The following SORT1 variants were observed in gnomAD, a reference collection of about 807,000 sequenced individuals.
SORT1 encodes sortilin.
In SORT1, 39 loss-of-function variants were observed where a neutral mutation model predicts 101.7. The observed-to-expected ratio is 0.38, with a 90% CI of 0.30 to 0.50. The LOEUF (loss-of-function observed/expected upper bound fraction) is 0.50. Among genes scored for constraint, SORT1 ranks in the 20% least tolerant of loss-of-function variants. SORT1 has a pLI of 0.90. For missense variants in SORT1, 878 were observed against 1,040.4 expected, an observed-to-expected ratio of 0.84 and a Z score of 2.15; for synonymous variants, 396 against 393.7, an observed-to-expected ratio of 1.01 and a Z score of -0.07.
chr1:109,376,113 C>CG (rs1339492673), intron 1 of SORT1, among the ~76,000 whole-genome samples: 1 of 152,012 alleles, frequency 6.6e-6, no homozygotes, highest in Admixed American at 6.5e-5. Flanking sequence ...GAGGCCGAGG[C>CG]GGGCGGATCA....
At chr1:109,396,473 C>T (rs1010684955) in intron 1 of SORT1, among the ~76,000 whole-genome samples, 1 of 152,154 alleles carries the variant, frequency 6.6e-6, no homozygotes, top group Admixed American at 6.5e-5. Flanking sequence ...AGCTTGGCTA[C>T]CTTTACACAG....
chr1:109,342,536 T>G (rs569633959), intron 8 of SORT1, among the ~76,000 whole-genome samples: 206 of 152,348 alleles, frequency 1.4e-3, no homozygotes, highest in African/African-American at 4.8e-3. Flanking sequence ...CTTAAAATGA[T>G]GACTACTGCA....
At position 109,390,950 on chromosome 1, in the gene SORT1, C is replaced by A. The variant is rs1369839735; in HGVS notation, c.306+6637G>T. Among the ~76,000 whole-genome samples the A allele has an allele frequency of 3.3e-5, 5 of 152,204 alleles. No individual in the cohort carries two copies. In the South Asian group the frequency reaches 1.0e-3, roughly 32 times the overall value. ...CCAATTAATCACATATAAGTTTCTA[C>A]ATGTGAATATATTTATGGTAAGCTG... is the stretch of plus-strand genomic sequence containing the variant. On this transcript the variant is annotated intron_variant, in intron 1 of 19. Coordinates refer to ENST00000256637, the MANE Select transcript of SORT1 (RefSeq NM_002959.7).
chr1:109,358,554 C>T (rs1004845357), intron 3 of SORT1, among the ~76,000 whole-genome samples: 4 of 152,116 alleles, frequency 2.6e-5, no homozygotes, highest in African/African-American at 9.7e-5. Context: ...AAACCAACTG[C>T]TTTAGAAACA....
At chr1:109,347,309 A>G (rs1649670413) in intron 7 of SORT1, among the ~76,000 whole-genome samples, 174 bp downstream of exon 7, 1 of 152,204 alleles carries the variant, frequency 6.6e-6, no homozygotes. Context: ...TGATCTGGGT[A>G]GTGTAGTAAT....
At chr1:109,362,214 T>C (rs945875243) in intron 3 of SORT1, among the ~76,000 whole-genome samples, 1 of 152,188 alleles carries the variant, frequency 6.6e-6, no homozygotes, top group Non-Finnish European at 1.5e-5. Flanking sequence ...AACAAAGTTA[T>C]GTATTGATCA....
intron 11 of SORT1, 112 bp downstream of exon 11, chr1:109,336,128 C>T: frequency 1.5e-6 from 1 of 671,646 alleles, no homozygotes; most frequent in Non-Finnish European, 2.6e-6. Flanking sequence ...AAACTTTCCA[C>T]CTTATGCTGA....
At chr1:109,329,296 C>T (rs377226928) in intron 11 of SORT1, among the ~76,000 whole-genome samples, 1 of 152,096 alleles carries the variant, frequency 6.6e-6, no homozygotes, top group Admixed American at 6.6e-5. Flanking sequence ...CTCTGCCACC[C>T]AGGCTGGAGT....
In SORT1 at chr1:109,314,886, C is replaced by T. The variant is rs1039519424; in HGVS notation, c.2251-108G>A. ...ATCTCTTTGTGAATGATCTGCAGTC[C>T]TGATGCGCTTAATGATGGCTCTTTT... On this transcript the variant is annotated intron_variant, in intron 17 of 19. Coordinates refer to ENST00000256637, the MANE Select transcript of SORT1 (RefSeq NM_002959.7). 4.9e-6 allele frequency: 3 copies of T among 618,232 alleles called. No individual in the cohort carries two copies. In the African/African-American group the frequency reaches 5.5e-5, roughly 11 times the overall value. 38.3% of individuals were successfully genotyped at this position (618,232 alleles called of 1,614,324 possible). A position where few individuals can be genotyped will look rare whatever the true frequency, so the allele number is the denominator to read the frequency against.
intron 3 of SORT1, among the ~76,000 whole-genome samples, chr1:109,362,230 T>C (rs1024156128): frequency 2.6e-5 from 4 of 152,198 alleles, no homozygotes; most frequent in Non-Finnish European, 5.9e-5. Flanking sequence ...GATCATTTGA[T>C]GAAAATGAGT....
chr1:109,342,945 T>C (rs892067263), intron 8 of SORT1, among the ~76,000 whole-genome samples: 3 of 152,162 alleles, frequency 2.0e-5, no homozygotes, highest in Admixed American at 6.5e-5. Flanking sequence ...ATTTAACTTA[T>C]TCAACTTATA....
chr1:109,355,225 G>A (rs969869893), intron 4 of SORT1, 142 bp downstream of exon 4: 1 of 615,972 alleles, frequency 1.6e-6, no homozygotes, highest in Non-Finnish European at 2.9e-6. Context: ...TTAAAAAATT[G>A]TGTTTAATTT....
chr1:109,367,314 A>G (rs1651158747), intron 3 of SORT1, 94 bp downstream of exon 3: 2 of 708,178 alleles, frequency 2.8e-6, no homozygotes, highest in Admixed American at 4.8e-5. Context: ...GATCTTTTAC[A>G]TCAACTGTTA....
At chr1:109,396,619 G>T (rs1184308546) in intron 1 of SORT1, among the ~76,000 whole-genome samples, 1 of 152,250 alleles carries the variant, frequency 6.6e-6, no homozygotes, top group African/African-American at 2.4e-5. Context: ...AGGCTTGGCT[G>T]ACGCTGAAAA....
At position 109,312,859 on chromosome 1, in the gene SORT1, G is replaced by A. The variant is rs778078223; in HGVS notation, c.*1184C>T. On this transcript the variant is annotated 3_prime_UTR_variant, in exon 20 of 20. Transcript: ENST00000256637. ...ACAAAGCATCATCTAGACTGGAAGTGTGTTTTCAATTGGTTCCTCCAAAAT... is the reference window on the plus strand; with the variant it reads ...ACAAAGCATCATCTAGACTGGAAGTATGTTTTCAATTGGTTCCTCCAAAAT... 2 of 152,184 alleles carry A rather than the reference G, an allele frequency of 1.3e-5. No homozygotes were observed. Among genetic ancestry groups the A allele is most frequent in the African/African-American group, 2.4e-5 (1 of 41,442 alleles). The allele number at this position is 152,184 out of a possible 1,614,324, so 9.4% of individuals were successfully genotyped here.
intron 8 of SORT1, 106 bp from the exon 9 acceptor site, chr1:109,342,264 T>G (rs1649277788): frequency 2.4e-6 from 2 of 822,374 alleles, no homozygotes; most frequent in East Asian, 5.3e-5. Context: ...ATTTCTCTAC[T>G]GGGTACGATT....
At position 109,313,740 on chromosome 1, in the gene SORT1, C is replaced by T. The variant is rs1040400823; in HGVS notation, c.*303G>A. 3 of 404,010 alleles carry T rather than the reference C, an allele frequency of 7.4e-6. No individual in the cohort carries two copies. The highest frequency in any genetic ancestry group is 4.6e-5 in the East Asian group (1 of 21,854). The allele number at this position is 404,010 out of a possible 1,614,324, so 25.0% of individuals were successfully genotyped here. On this transcript the variant is annotated 3_prime_UTR_variant, in exon 20 of 20. Coordinates refer to ENST00000256637, the MANE Select transcript of SORT1 (RefSeq NM_002959.7). Reference sequence around the variant, plus strand: ...GAAAAGGTCCCTTCGAATTCCATTTCGTTTCCCTTAAAAAACAAAAACAAA... The same window carrying T: ...GAAAAGGTCCCTTCGAATTCCATTTTGTTTCCCTTAAAAAACAAAAACAAA...
At chr1:109,322,550 C>T (rs1647702166) in intron 15 of SORT1, among the ~76,000 whole-genome samples, 1 of 152,062 alleles carries the variant, frequency 6.6e-6, no homozygotes. Context: ...TTTTTTGGGA[C>T]AAGAGTCTTG....
intron 1 of SORT1, among the ~76,000 whole-genome samples, chr1:109,385,071 C>G (rs1652490200): frequency 6.6e-6 from 1 of 152,092 alleles, no homozygotes; most frequent in Non-Finnish European, 1.5e-5. Context: ...GAGTGAGACT[C>G]TGTCTCAACA....
Sources: allele counts gnomAD v4.1 joint callset (sites outside exome capture counted in the v4.1 genomes callset), GRCh38; gene constraint gnomAD v4.1.1; transcripts MANE v1.5; gene names NCBI Gene and HGNC (gene_info 2026-07-23, HGNC 2026-07-21).